Variants in DCC observed in about 807,000 individuals in gnomAD.
DCC encodes DCC netrin 1 receptor, also known as netrin receptor DCC.
DCC carries 58 observed loss-of-function variants against 172.5 expected under a neutral mutation model. That is an observed-to-expected ratio of 0.34 (90% CI 0.27 to 0.42). The LOEUF is 0.42. Ranked by LOEUF, DCC falls within the 10% of genes least tolerant of loss-of-function variation. DCC has a pLI of 1.00. For synonymous variants in DCC, 709 were observed against 644.5 expected (o/e 1.10, Z -1.52); for missense variants, 1,740 against 1,791.0 (o/e 0.97, Z 0.51).
In DCC at chr18:52,767,083, G is replaced by A. The variant is rs180750619; in HGVS notation, c.412+14709G>A. ...AGTATTGGCCTGTTTCCCATGCAAA[G>A]TTTGTTCTTCCCCATCTAGGTGGGC... On this transcript the variant is annotated intron_variant, in intron 2 of 28. Coordinates refer to ENST00000442544, the MANE Select transcript of DCC (RefSeq NM_005215.4). 2.3e-3 allele frequency among the ~76,000 whole-genome samples: 353 copies of A among 151,524 alleles called. 2 individuals are homozygous for A. The highest frequency in any genetic ancestry group is 7.0e-3 in the African/African-American group (290 of 41,260).
In DCC at chr18:52,522,721, A is replaced by G. The variant is rs113733807; in HGVS notation, c.91+181843A>G. On this transcript the variant is annotated intron_variant, in intron 1 of 28. Coordinates refer to ENST00000442544, the MANE Select transcript of DCC (RefSeq NM_005215.4). ...TCATGTATAAATGTCTCATAGCTAG[A>G]TTAATGTATAGTCATTAAACTAAGT... Among the ~76,000 whole-genome samples, 118 of 152,320 alleles carry G rather than the reference A, an allele frequency of 7.7e-4. 1 individual carries two copies. The highest frequency in any genetic ancestry group is 1.2e-3 in the Admixed American group (18 of 15,292).
chr18:52,871,694 G>T (rs149485169), intron 2 of DCC, among the ~76,000 whole-genome samples: 33 of 152,196 alleles, frequency 2.2e-4, no homozygotes, highest in African/African-American at 7.5e-4. Flanking sequence ...GGCTCAAGCA[G>T]TCATCCTACC....
At chr18:53,233,340 AT>A (rs911779411) in intron 12 of DCC, among the ~76,000 whole-genome samples, 11 of 152,116 alleles carry the variant, frequency 7.2e-5, no homozygotes, top group African/African-American at 2.7e-4. Flanking sequence ...CAAAATACAC[AT>A]TTTTTTGCCT....
chr18:52,837,056 G>A (rs756727316), intron 2 of DCC, among the ~76,000 whole-genome samples: 1 of 152,174 alleles, frequency 6.6e-6, no homozygotes, highest in Non-Finnish European at 1.5e-5. Flanking sequence ...TGATGCCATG[G>A]CCCAAGCTGT....
At chr18:53,502,849 T>TTAAATTTATTTTATTTTA (rs886890279) in intron 27 of DCC, among the ~76,000 whole-genome samples, 3 of 152,126 alleles carry the variant, frequency 2.0e-5, no homozygotes, top group African/African-American at 7.2e-5. Flanking sequence ...GCTTTTTTTT[T>TTAAATTTATTTTATTTTA]TAAATTTATT....
At chr18:52,718,684 C>T (rs536327002) in intron 1 of DCC, among the ~76,000 whole-genome samples, 7 of 152,270 alleles carry the variant, frequency 4.6e-5, no homozygotes, top group African/African-American at 1.7e-4. Context: ...CTGCTTATAT[C>T]GCAGAGACGT....
chr18:53,206,321 GTATTGTAACACATATATGTATATATGTA>G (rs1392797810), intron 10 of DCC, among the ~76,000 whole-genome samples: 4 of 87,806 alleles, frequency 4.6e-5, no homozygotes, highest in Non-Finnish European at 8.8e-5. Context: ...ATACATATAT[GTATTGTAACACATATATGTATATATGTA>G]TATATACATA....
At chr18:52,431,152 C>T (rs1163619100) in intron 1 of DCC, among the ~76,000 whole-genome samples, 2 of 152,102 alleles carry the variant, frequency 1.3e-5, no homozygotes, top group African/African-American at 4.8e-5. Flanking sequence ...AATCCTTGGA[C>T]ACTCACCCAA....
chr18:52,769,963 C>A (rs775971675), intron 2 of DCC, among the ~76,000 whole-genome samples: 1 of 152,134 alleles, frequency 6.6e-6, no homozygotes, highest in Admixed American at 6.6e-5. Flanking sequence ...ACAGAAACTG[C>A]CATCATCTCT....
chr18:53,037,623 AC>A (rs2042113652), intron 5 of DCC, among the ~76,000 whole-genome samples: 1 of 151,984 alleles, frequency 6.6e-6, no homozygotes, highest in African/African-American at 2.4e-5. Context: ...AATATACCAT[AC>A]TGATATAGAA....
At chr18:53,050,253 C>T (rs2042316594) in intron 5 of DCC, among the ~76,000 whole-genome samples, 1 of 152,016 alleles carries the variant, frequency 6.6e-6, no homozygotes, top group African/African-American at 2.4e-5. Flanking sequence ...TCCCAGTACA[C>T]TGACTCAAAT....
intron 6 of DCC, 109 bp downstream of exon 6, chr18:53,063,568 G>A: frequency 2.3e-6 from 2 of 872,234 alleles, no homozygotes; most frequent in Non-Finnish European, 1.8e-6. Flanking sequence ...GAGATTTTTT[G>A]TGATGTGTTA....
At chr18:52,933,351 G>A (rs2040335877) in intron 5 of DCC, among the ~76,000 whole-genome samples, 2 of 151,630 alleles carry the variant, frequency 1.3e-5, no homozygotes, top group South Asian at 2.1e-4. Context: ...GAGCTGTTGA[G>A]AAAGAGGAAG....
At chr18:52,380,740 G>C (rs2144323312) in intron 1 of DCC, among the ~76,000 whole-genome samples, 1 of 152,228 alleles carries the variant, frequency 6.6e-6, no homozygotes, top group East Asian at 1.9e-4. Flanking sequence ...ATCCATTCCA[G>C]ATCTAAAATT....
At chr18:53,115,767 C>G (rs548775826) in intron 7 of DCC, among the ~76,000 whole-genome samples, 2 of 151,428 alleles carry the variant, frequency 1.3e-5, no homozygotes, top group Non-Finnish European at 3.0e-5. Flanking sequence ...AAAGTAAACT[C>G]AACTTGAACA....
chr18:52,423,674 A>G (rs563618972), intron 1 of DCC, among the ~76,000 whole-genome samples: 2 of 152,276 alleles, frequency 1.3e-5, no homozygotes, highest in East Asian at 3.9e-4. Context: ...TTCAAATCAA[A>G]CTTCTGTAAT....
chr18:52,960,103 C>T (rs557145591), intron 5 of DCC, among the ~76,000 whole-genome samples: 3 of 152,172 alleles, frequency 2.0e-5, no homozygotes, highest in East Asian at 3.9e-4. Flanking sequence ...CATGCACACA[C>T]GCACACACAC....
rs148659913 is a variant in DCC at position 53,442,666 on chromosome 18, C to T, written c.3229+7457C>T. 6.6e-5 allele frequency among the ~76,000 whole-genome samples: 10 copies of T among 152,320 alleles called. No homozygotes were observed. The East Asian group carries it at 1.7e-3, about 26-fold the overall frequency. Reference sequence around the variant, plus strand: ...AAATGATTAGGCTTAGTGATGAAGACATGTCAAAAGTCAAGATAGGCTGAG... The same window carrying T: ...AAATGATTAGGCTTAGTGATGAAGATATGTCAAAAGTCAAGATAGGCTGAG... On this transcript the variant is annotated intron_variant, in intron 22 of 28. Coordinates refer to ENST00000442544, the MANE Select transcript of DCC (RefSeq NM_005215.4).
rs559872621 is a variant in DCC, at chr18:52,340,570, C to T, written c.-218C>T. 30 of 619,852 alleles carry T rather than the reference C, an allele frequency of 4.8e-5. No homozygotes were observed. The highest frequency in any genetic ancestry group is 4.3e-4 in the Middle Eastern group (1 of 2,328). 38.4% of individuals were successfully genotyped at this position (619,852 alleles called of 1,614,324 possible). A position where few individuals can be genotyped will look rare whatever the true frequency, so the allele number is the denominator to read the frequency against. On this transcript the variant is annotated 5_prime_UTR_variant, in exon 1 of 29. Transcript: ENST00000442544. The stretch of plus-strand genomic sequence containing the variant: ...ACCGAATGGAACTTTTTGCTGCCTG[C>T]TTTTGCTGCTGATTCTGTCAGTGGA...
Sources: allele counts gnomAD v4.1 joint callset (sites outside exome capture counted in the v4.1 genomes callset), GRCh38; gene constraint gnomAD v4.1.1; transcripts MANE v1.5; gene names NCBI Gene and HGNC (gene_info 2026-07-23, HGNC 2026-07-21).